The following GGPS1 variants were observed in gnomAD, a reference collection of about 807,000 sequenced individuals.
GGPS1 encodes the protein geranylgeranyl diphosphate synthase 1.
In GGPS1, 15 loss-of-function variants were observed where a neutral mutation model predicts 28.1. That is an observed-to-expected ratio of 0.53 (90% confidence interval 0.36 to 0.82). The LOEUF is 0.82. GGPS1 is among the 40% of genes least tolerant of loss of function. The probability of loss-of-function intolerance (pLI) is 0.01; values close to 1 mark genes in which losing one functional copy is unlikely to be tolerated. For missense variants in GGPS1, 284 were observed against 348.3 expected (o/e 0.82, Z 1.47); for synonymous variants, 138 against 122.4 (o/e 1.13, Z -0.84).
chr1:235,330,655 T>C (rs913807335), intron 1 of GGPS1: 64 of 152,340 alleles, frequency 4.2e-4, no homozygotes, highest in African/African-American at 1.5e-3. Context: ...TTTTAAAGCA[T>C]AATTAGTGTT....
intron 2 of GGPS1, among the ~76,000 whole-genome samples, chr1:235,336,532 A>C (rs1675870072): frequency 6.6e-6 from 1 of 152,114 alleles, no homozygotes; most frequent in East Asian, 1.9e-4. Context: ...GGTGGCCCAC[A>C]CCTGTATTCC....
intron 2 of GGPS1, among the ~76,000 whole-genome samples, chr1:235,336,618 C>A (rs975993489): frequency 1.3e-5 from 2 of 152,032 alleles, no homozygotes; most frequent in Admixed American, 6.6e-5. Flanking sequence ...TAACAAGTCC[C>A]CCTCTCTGTT....
At chr1:235,338,863 C>T (rs569276715) in intron 2 of GGPS1, among the ~76,000 whole-genome samples, 31 of 151,890 alleles carry the variant, frequency 2.0e-4, no homozygotes, top group Middle Eastern at 3.4e-3. Flanking sequence ...GAGACCCTGT[C>T]TCAAAAATAA....
At chr1:235,331,373 T>G (rs554720450) in intron 1 of GGPS1, among the ~76,000 whole-genome samples, 3 of 152,218 alleles carry the variant, frequency 2.0e-5, no homozygotes, top group African/African-American at 7.2e-5. Context: ...TACACTAGTT[T>G]TGTGCTTTAA....
At chr1:235,338,415 C>T (rs1675929903) in intron 2 of GGPS1, among the ~76,000 whole-genome samples, 1 of 151,712 alleles carries the variant, frequency 6.6e-6, no homozygotes, top group South Asian at 2.1e-4. Flanking sequence ...TTAAAAGCAT[C>T]AGGCTAAACA....
intron 1 of GGPS1, among the ~76,000 whole-genome samples, chr1:235,333,211 T>C (rs1337040817): frequency 6.6e-6 from 1 of 151,594 alleles, no homozygotes; most frequent in Non-Finnish European, 1.5e-5. Flanking sequence ...AGCAGCTGTA[T>C]CAGAATCATA....
chr1:235,335,448 T>C lies in GGPS1; in HGVS notation c.70+114T>C, dbSNP rs570297631. The C allele has an allele frequency of 7.4e-5, 41 of 556,358 alleles. 1 individual carries two copies. In the East Asian group the frequency reaches 1.1e-3, roughly 15 times the overall value. 34.5% of individuals were successfully genotyped at this position (556,358 alleles called of 1,614,324 possible). A position where few individuals can be genotyped will look rare whatever the true frequency, so the allele number is the denominator to read the frequency against. On this transcript the variant is annotated intron_variant, in intron 2 of 3. Coordinates refer to ENST00000282841, the MANE Select transcript of GGPS1 (RefSeq NM_004837.4). ...AGCCGTTGAGATTTTCTATTTAAGG[T>C]GATGCGTATGAGAAAAATGATAAAT...
At chr1:235,327,596 G>C (rs942776120), upstream of GGPS1, 1 of 152,264 alleles carries the variant, frequency 6.6e-6, no homozygotes, top group Non-Finnish European at 1.5e-5. Flanking sequence ...CCCAGCCAGG[G>C]GGCGGCTCGG....
At position 235,341,783 on chromosome 1, in the gene GGPS1, T is replaced by C. The variant is rs1254465656; in HGVS notation, c.141+5T>C. 1.3e-6 allele frequency: 2 copies of C among 1,523,406 alleles called. No individual in the cohort carries two copies. Among genetic ancestry groups the C allele is most frequent in the African/African-American group, 1.4e-5 (1 of 73,242 alleles). 94.4% of individuals were successfully genotyped at this position (1,523,406 alleles called of 1,614,324 possible). A position where few individuals can be genotyped will look rare whatever the true frequency, so the allele number is the denominator to read the frequency against. On this transcript the variant is annotated splice_donor_5th_base_variant and intron_variant, in intron 3 of 3. Transcript: ENST00000282841. ...GTTCCAGAGGACAAGCTACAGGTATTAGGCAACTCTAACCTCATTAATCCC... is the reference window on the plus strand; with the variant it reads ...GTTCCAGAGGACAAGCTACAGGTATCAGGCAACTCTAACCTCATTAATCCC...
At chr1:235,340,751 A>AAAAC (rs1558327324) in intron 2 of GGPS1, among the ~76,000 whole-genome samples, 9 of 149,626 alleles carry the variant, frequency 6.0e-5, no homozygotes, top group African/African-American at 2.0e-4. Context: ...AAAAAAAAAA[A>AAAAC]AAAAAAACAA....
At position 235,342,394 on chromosome 1, in the gene GGPS1, G is replaced by A. The variant is rs749914612; in HGVS notation, c.525G>A (p.Pro175=). The change falls in exon 4 of 4, where the codon CCG becomes CCA. Residue 175 remains proline, a synonymous_variant. Coordinates refer to ENST00000282841, the MANE Select transcript of GGPS1 (RefSeq NM_004837.4). The part of the protein sequence containing the change: ...LFSDYKEDLK[P]LLNTLGLFFQ... ...CTGATTACAAAGAAGATTTAAAACCGCTACTTAATACACTTGGGCTCTTTT... is the reference window on the plus strand; with the variant it reads ...CTGATTACAAAGAAGATTTAAAACCACTACTTAATACACTTGGGCTCTTTT... 9.9e-5 allele frequency: 159 copies of A among 1,613,848 alleles called. 1 individual carries two copies. The highest frequency in any genetic ancestry group is 4.9e-4 in the Middle Eastern group (3 of 6,084).
rs1676097606 is a variant in GGPS1 at position 235,342,928 on chromosome 1, C to G, written c.*156C>G. On this transcript the variant is annotated 3_prime_UTR_variant, in exon 4 of 4. Coordinates refer to ENST00000282841, the MANE Select transcript of GGPS1 (RefSeq NM_004837.4). ...GTGAATTCGTTTTCATTTAGAAGCCCCTCTGTACAGATAATCAAAATTCAA... is the reference window on the plus strand; with the variant it reads ...GTGAATTCGTTTTCATTTAGAAGCCGCTCTGTACAGATAATCAAAATTCAA... 1.9e-6 allele frequency: 1 copy of G among 524,690 alleles called. No individual in the cohort carries two copies. Among genetic ancestry groups the G allele is most frequent in the Non-Finnish European group, 3.4e-6 (1 of 292,266 alleles). 32.5% of individuals were successfully genotyped at this position (524,690 alleles called of 1,614,324 possible). A position where few individuals can be genotyped will look rare whatever the true frequency, so the allele number is the denominator to read the frequency against.
chr1:235,335,101 TACC>T, intron 1 of GGPS1, 138 bp from the exon 2 acceptor site: 1 of 512,026 alleles, frequency 2.0e-6, no homozygotes, highest in Non-Finnish European at 3.5e-6. Flanking sequence ...AGGCGTGAAC[TACC>T]GTGCCCAGCA....
chr1:235,339,171 C>G (rs572966375), intron 2 of GGPS1, among the ~76,000 whole-genome samples: 1 of 151,844 alleles, frequency 6.6e-6, no homozygotes, highest in Non-Finnish European at 1.5e-5. Context: ...TAGTGGCGCA[C>G]GACTGTAATC....
chr1:235,336,969 G>A lies in GGPS1; in HGVS notation c.70+1635G>A, dbSNP rs563205659. ...AATGTCAATGCATGAGAAGAATGAG[G>A]GAATGACAGAAATGGAGAATTCAAA... On this transcript the variant is annotated intron_variant, in intron 2 of 3. Transcript: ENST00000282841. The A allele has an allele frequency of 4.2e-5, 7 of 168,290 alleles. No individual in the cohort carries two copies. The South Asian group carries it at 1.1e-3, about 26-fold the overall frequency. The allele number at this position is 168,290 out of a possible 1,614,324, so 10.4% of individuals were successfully genotyped here. A position where few individuals can be genotyped will look rare whatever the true frequency, so the allele number is the denominator to read the frequency against.
chr1:235,334,145 G>T (rs1261508955), intron 1 of GGPS1, among the ~76,000 whole-genome samples: 1 of 152,100 alleles, frequency 6.6e-6, no homozygotes, highest in African/African-American at 2.4e-5. Context: ...TCTCTGAAAT[G>T]GATTGATTGT....
intron 2 of GGPS1, among the ~76,000 whole-genome samples, chr1:235,336,262 A>G (rs190857827): frequency 9.1e-4 from 138 of 152,238 alleles, no homozygotes; most frequent in African/African-American, 3.0e-3. Flanking sequence ...ATGGTGGCGC[A>G]TGCCTGTAGT....
intron 2 of GGPS1, among the ~76,000 whole-genome samples, chr1:235,337,838 G>A (rs1305112370): frequency 6.6e-6 from 1 of 151,170 alleles, no homozygotes; most frequent in Non-Finnish European, 1.5e-5. Context: ...AGGATTTTCT[G>A]AAATTAGTAA....
chr1:235,332,468 T>C (rs1675745530), intron 1 of GGPS1, among the ~76,000 whole-genome samples: 1 of 152,246 alleles, frequency 6.6e-6, no homozygotes. Flanking sequence ...AGTCATCTGC[T>C]GATGGACACT....
Sources: allele counts gnomAD v4.1 joint callset (sites outside exome capture counted in the v4.1 genomes callset), GRCh38; gene constraint gnomAD v4.1.1; transcripts MANE v1.5; gene names NCBI Gene and HGNC (gene_info 2026-07-23, HGNC 2026-07-21).